The following HPSE2 variants were observed in gnomAD, a reference collection of about 807,000 sequenced individuals.
HPSE2 encodes inactive heparanase-2.
Under a neutral mutation model 60.5 loss-of-function variants are expected in HPSE2, and 38 were observed. That is an observed-to-expected ratio of 0.63 (90% CI 0.48 to 0.82). The LOEUF (loss-of-function observed/expected upper bound fraction) is 0.82. Ranked by LOEUF, HPSE2 falls within the 40% of genes least tolerant of loss-of-function variation. HPSE2 has a pLI of 0.00. For missense variants in HPSE2, 713 were observed against 740.4 expected (o/e 0.96, Z 0.43); for synonymous variants, 295 against 293.2 (o/e 1.01, Z -0.06).
chr10:99,228,668 G>A (rs1849550777), intron 2 of HPSE2, among the ~76,000 whole-genome samples: 1 of 152,174 alleles, frequency 6.6e-6, no homozygotes, highest in Non-Finnish European at 1.5e-5. Flanking sequence ...CACTATTTGT[G>A]TATATAATTC....
intron 7 of HPSE2, among the ~76,000 whole-genome samples, chr10:98,629,411 C>G (rs1482381793): frequency 6.6e-6 from 1 of 152,208 alleles, no homozygotes; most frequent in Non-Finnish European, 1.5e-5. Flanking sequence ...TTAGGGACAT[C>G]CTTGCCTCTT....
At chr10:99,016,514 T>C (rs935576517) in intron 3 of HPSE2, among the ~76,000 whole-genome samples, 51 of 151,998 alleles carry the variant, frequency 3.4e-4, no homozygotes, top group African/African-American at 1.2e-3. Flanking sequence ...ATTCAGGCTC[T>C]TTTTTGGTTC....
At chr10:99,090,386 T>G (rs878855959) in intron 3 of HPSE2, among the ~76,000 whole-genome samples, 2 of 152,126 alleles carry the variant, frequency 1.3e-5, no homozygotes, top group African/African-American at 2.4e-5. Flanking sequence ...CCAATAAATA[T>G]GTTCTGAACG....
At chr10:99,301,047 C>T in the HPSE2 span, among the ~76,000 whole-genome samples, 1 of 152,174 alleles carries the variant, frequency 6.6e-6, no homozygotes, top group South Asian at 2.1e-4. Context: ...AGTTCTTAAT[C>T]CTTACAATAT....
At chr10:99,098,460 C>T (rs939614174) in intron 3 of HPSE2, among the ~76,000 whole-genome samples, 1 of 152,112 alleles carries the variant, frequency 6.6e-6, no homozygotes, top group African/African-American at 2.4e-5. Context: ...TTTTCAATTC[C>T]ATTGCTTTTA....
At chr10:98,946,908 A>G (rs1955202274) in intron 3 of HPSE2, among the ~76,000 whole-genome samples, 1 of 152,132 alleles carries the variant, frequency 6.6e-6, no homozygotes, top group South Asian at 2.1e-4. Flanking sequence ...TTGTCTCTCC[A>G]GTAAATTGCA....
chr10:98,653,323 G>A (rs1188321107), intron 6 of HPSE2, among the ~76,000 whole-genome samples: 3 of 151,192 alleles, frequency 2.0e-5, no homozygotes, highest in Non-Finnish European at 4.4e-5. Flanking sequence ...CTTTTAATTG[G>A]TATATTTAGG....
intron 2 of HPSE2, among the ~76,000 whole-genome samples, chr10:99,158,084 A>AT (rs1445625329): frequency 7.2e-6 from 1 of 139,250 alleles, no homozygotes; most frequent in Non-Finnish European, 1.6e-5. Flanking sequence ...AATGGCAATC[A>AT]TTAAAAAGTC....
intron 3 of HPSE2, among the ~76,000 whole-genome samples, chr10:99,086,940 A>C (rs1286767739): frequency 1.3e-5 from 2 of 152,346 alleles, no homozygotes; most frequent in Non-Finnish European, 2.9e-5. Context: ...AGCAATTATT[A>C]AACTCTAGAC....
At chr10:98,975,294 C>A (rs1247720439) in intron 3 of HPSE2, among the ~76,000 whole-genome samples, 1 of 151,762 alleles carries the variant, frequency 6.6e-6, no homozygotes, top group African/African-American at 2.4e-5. Context: ...ACTAACTGAT[C>A]AAAGAATAGA....
chr10:99,123,087 C>T (rs1360589895), intron 3 of HPSE2, among the ~76,000 whole-genome samples: 3 of 152,064 alleles, frequency 2.0e-5, no homozygotes, highest in East Asian at 3.9e-4. Flanking sequence ...ATGTTATATA[C>T]TTATACACAT....
chr10:99,097,791 T>C (rs1463819143), intron 3 of HPSE2, among the ~76,000 whole-genome samples: 1 of 152,208 alleles, frequency 6.6e-6, no homozygotes, highest in African/African-American at 2.4e-5. Context: ...TCTCGTTTTA[T>C]AGATAAGACA....
At chr10:99,286,801 C>T in the HPSE2 span, among the ~76,000 whole-genome samples, 1 of 152,070 alleles carries the variant, frequency 6.6e-6, no homozygotes. Flanking sequence ...AACCAGTATT[C>T]CTTGAGTACT....
chr10:98,474,524 C>G (rs966642369), intron 11 of HPSE2, among the ~76,000 whole-genome samples: 1 of 152,128 alleles, frequency 6.6e-6, no homozygotes, highest in Admixed American at 6.5e-5. Context: ...TCAAATGACA[C>G]CTCTCTAAAG....
chr10:98,828,995 T>C (rs1044534994), intron 3 of HPSE2, among the ~76,000 whole-genome samples: 7 of 152,030 alleles, frequency 4.6e-5, no homozygotes, highest in Non-Finnish European at 1.0e-4. Context: ...AATGGAATAT[T>C]ATTTGGCCTT....
At chr10:99,239,721 C>G (rs779789410), upstream of HPSE2, among the ~76,000 whole-genome samples, 17 of 151,748 alleles carry the variant, frequency 1.1e-4, no homozygotes, top group Non-Finnish European at 2.4e-4. Flanking sequence ...TGAGCCACCA[C>G]GCCCAGCCCC....
chr10:98,806,712 T>C lies in HPSE2; in HGVS notation c.611-62656A>G, dbSNP rs1050219965. On this transcript the variant is annotated intron_variant, in intron 3 of 11. Coordinates refer to ENST00000370552, the MANE Select transcript of HPSE2 (RefSeq NM_021828.5). ...CTTTTTAAGTAACTAGACTGTTATG[T>C]GAATGTTGTGTAACATATTTCATGT... 2.0e-5 allele frequency among the ~76,000 whole-genome samples: 3 copies of C among 152,256 alleles called. No homozygotes were observed. The East Asian group carries it at 5.8e-4, about 29-fold the overall frequency.
intron 3 of HPSE2, among the ~76,000 whole-genome samples, chr10:99,067,026 C>T (rs532808463): frequency 2.0e-5 from 3 of 152,280 alleles, no homozygotes; most frequent in African/African-American, 4.8e-5. Flanking sequence ...CTGGCCAAAA[C>T]GAAGGAGCTA....
intron 7 of HPSE2, among the ~76,000 whole-genome samples, chr10:98,627,078 G>A (rs1383426517): frequency 6.6e-6 from 1 of 152,124 alleles, no homozygotes; most frequent in Non-Finnish European, 1.5e-5. Flanking sequence ...CGGCCGAGAT[G>A]ATTATTTTTC....
Sources: gnomAD v4.1 joint callset for allele counts (sites outside exome capture counted in the v4.1 genomes callset) on GRCh38, gnomAD v4.1.1 for gene constraint, MANE v1.5 for transcripts, NCBI Gene and HGNC (gene_info 2026-07-23, HGNC 2026-07-21) for gene names.